The following LCORL variants were observed in gnomAD, a reference collection of about 807,000 sequenced individuals.
LCORL encodes the protein ligand-dependent nuclear receptor corepressor-like protein.
In LCORL, 41 loss-of-function variants were observed where a neutral mutation model predicts 141.8. That is an observed-to-expected ratio of 0.29 (90% CI 0.23 to 0.38). The LOEUF (loss-of-function observed/expected upper bound fraction) is 0.38. Among genes scored for constraint, LCORL ranks in the 10% least tolerant of loss-of-function variants. LCORL has a pLI of 1.00. For synonymous variants in LCORL, 618 were observed against 694.1 expected, an observed-to-expected ratio of 0.89 and a Z score of 1.72; for missense variants, 1,759 against 2,035.0, an observed-to-expected ratio of 0.86 and a Z score of 2.61.
At chr4:17,909,439 AAGTCTTTTAGCATC>A in intron 4 of LCORL, 94 bp from the exon 5 acceptor site, 1 of 925,302 alleles carries the variant, frequency 1.1e-6, no homozygotes, top group Non-Finnish European at 1.6e-6. Context: ...ATGACTTCAG[AAGTCTTTTAGCATC>A]AGTCCATAAC....
chr4:17,910,483 T>C (rs1732349654), intron 4 of LCORL, among the ~76,000 whole-genome samples: 1 of 152,172 alleles, frequency 6.6e-6, no homozygotes, highest in Non-Finnish European at 1.5e-5. Context: ...GGTAGATCAG[T>C]GTTATATGAA....
intron 5 of LCORL, among the ~76,000 whole-genome samples, chr4:17,887,110 T>C (rs1462696746): frequency 6.6e-6 from 1 of 152,012 alleles, no homozygotes; most frequent in Non-Finnish European, 1.5e-5. Flanking sequence ...CCTGGGCAGA[T>C]ACAAAGATGA....
intron 5 of LCORL, among the ~76,000 whole-genome samples, chr4:17,889,755 A>G (rs542042528): frequency 6.6e-6 from 1 of 151,984 alleles, no homozygotes; most frequent in Non-Finnish European, 1.5e-5. Flanking sequence ...GGGGAAGGAT[A>G]TTTTCTTTTT....
At position 17,884,136 on chromosome 4, in the gene LCORL, C is replaced by T. The variant is rs1315060207; in HGVS notation, c.776+1932G>A. On this transcript the variant is annotated intron_variant, in intron 6 of 7. Transcript: ENST00000635767. This position sits in a 1 kb window ranked among gnomAD's most constrained non-coding sequence, Gnocchi z 4.4. ...GAGTGAGTTACAGGCCCAGAACATTCTATTTTGTTCTGTTTAGGGAGTATA... is the reference window on the plus strand; with the variant it reads ...GAGTGAGTTACAGGCCCAGAACATTTTATTTTGTTCTGTTTAGGGAGTATA... The T allele has an allele frequency of 6.4e-7, 1 of 1,550,482 alleles. No homozygotes were observed. The highest frequency in any genetic ancestry group is 2.0e-5 in the Admixed American group (1 of 50,908).
rs201644634 is a variant in LCORL, at chr4:17,896,178, TC to T, written c.683-10018del. 8.0e-3 allele frequency among the ~76,000 whole-genome samples: 1,218 copies of T among 152,304 alleles called. 14 individuals are homozygous for T. The highest frequency in any genetic ancestry group is 0.027 in the African/African-American group (1,137 of 41,568). ...AGCAATGTATCAGGGGTCCAAATTT[TC>T]TGCATCTTTGCCAACACTTCTTGTA... is the stretch of plus-strand genomic sequence containing the variant. On this transcript the variant is annotated intron_variant, in intron 5 of 7. Transcript: ENST00000635767.
intron 4 of LCORL, among the ~76,000 whole-genome samples, chr4:17,952,938 T>C (rs1008046976): frequency 1.3e-5 from 2 of 152,148 alleles, no homozygotes; most frequent in East Asian, 3.9e-4. Flanking sequence ...CTCCTCTTTG[T>C]GCCCATTAGT....
chr4:17,883,529 C>G, intron 6 of LCORL: 3 of 1,320,800 alleles, frequency 2.3e-6, no homozygotes, highest in Non-Finnish European at 2.9e-6. Context: ...CAGTGAAAAC[C>G]CTGAATAAAA....
intron 1 of LCORL, among the ~76,000 whole-genome samples, chr4:18,003,235 G>C (rs921777225): frequency 6.6e-6 from 1 of 152,148 alleles, no homozygotes; most frequent in Non-Finnish European, 1.5e-5. Context: ...CTAAACTAGA[G>C]AGAATAAAAG....
chr4:17,851,518 T>C (rs1245873940), intron 7 of LCORL, among the ~76,000 whole-genome samples: 3 of 152,228 alleles, frequency 2.0e-5, no homozygotes, highest in Non-Finnish European at 4.4e-5. Context: ...TTCATATTTG[T>C]ACAATGAATA....
chr4:17,927,969 A>C (rs551207858), intron 4 of LCORL, among the ~76,000 whole-genome samples: 1 of 152,366 alleles, frequency 6.6e-6, no homozygotes, highest in Non-Finnish European at 1.5e-5. Flanking sequence ...AAAGCAAAGC[A>C]TAATAAAATA....
At chr4:17,909,021 T>C in intron 5 of LCORL, 73 bp downstream of exon 5, 2 of 1,322,156 alleles carry the variant, frequency 1.5e-6, no homozygotes, top group Non-Finnish European at 2.0e-6. Flanking sequence ...CCTATGAATA[T>C]AAAAAGTTAT....
intron 7 of LCORL, among the ~76,000 whole-genome samples, chr4:17,869,693 T>C (rs1274312361): frequency 6.6e-6 from 1 of 152,186 alleles, no homozygotes; most frequent in East Asian, 1.9e-4. Context: ...TTTCAGTTAT[T>C]TGTTGATTCA....
At chr4:17,955,719 T>C (rs980091998) in intron 4 of LCORL, among the ~76,000 whole-genome samples, 1 of 152,092 alleles carries the variant, frequency 6.6e-6, no homozygotes, top group African/African-American at 2.4e-5. Context: ...TCAGCTATTC[T>C]AGAGTAAGTG....
chr4:17,967,604 A>G (rs920672379), intron 2 of LCORL, among the ~76,000 whole-genome samples: 1 of 152,192 alleles, frequency 6.6e-6, no homozygotes, highest in African/African-American at 2.4e-5. Context: ...ATTTACCACA[A>G]ATATTTCCCA....
At chr4:17,940,256 A>G (rs1053521341) in intron 4 of LCORL, among the ~76,000 whole-genome samples, 1 of 148,292 alleles carries the variant, frequency 6.7e-6, no homozygotes, top group East Asian at 1.9e-4. Context: ...TTAAGGTATG[A>G]CATTCTAGGG....
At chr4:17,966,610 C>T (rs572954670) in intron 2 of LCORL, among the ~76,000 whole-genome samples, 1 of 152,236 alleles carries the variant, frequency 6.6e-6, no homozygotes, top group Admixed American at 6.5e-5. Context: ...TCTACGAATC[C>T]ATCATTGTCC....
chr4:17,913,424 T>C (rs1348155245), intron 4 of LCORL, among the ~76,000 whole-genome samples: 4 of 152,274 alleles, frequency 2.6e-5, no homozygotes, highest in South Asian at 2.1e-4. Flanking sequence ...AAAACACAAT[T>C]AAAGCAATGG....
Position 18,021,024 on chromosome 4 carries a change from G to T in LCORL, c.154+574C>A, listed in dbSNP as rs1270910622. Among the ~76,000 whole-genome samples the T allele has an allele frequency of 6.6e-6, 1 of 151,594 alleles. No homozygotes were observed. Among genetic ancestry groups the T allele is most frequent in the African/African-American group, 2.4e-5 (1 of 41,374 alleles). On this transcript the variant is annotated intron_variant, in intron 1 of 7. Coordinates refer to ENST00000635767, the Ensembl canonical transcript of LCORL. This position sits in a 1 kb window ranked among gnomAD's most constrained non-coding sequence, Gnocchi z 5.5. ...CCGCCCCTCGGACGACGCCCCCGCC[G>T]CCCCTCGCCCCCAGCCGGCCCATCA... is the stretch of plus-strand genomic sequence containing the variant.
chr4:17,969,191 C>T (rs912195937), intron 2 of LCORL, among the ~76,000 whole-genome samples: 1 of 152,128 alleles, frequency 6.6e-6, no homozygotes, highest in African/African-American at 2.4e-5. Context: ...GCAAGACAGG[C>T]ATAGAGTACT....
Sources: gnomAD v4.1 joint callset for allele counts (sites outside exome capture counted in the v4.1 genomes callset) on GRCh38, gnomAD v4.1.1 for gene constraint, Gnocchi (gnomAD v3.1) non-coding constraint, MANE v1.5 for transcripts, NCBI Gene and HGNC (gene_info 2026-07-23, HGNC 2026-07-21) for gene names.